The following ANO3 variants were observed in gnomAD, a reference collection of about 807,000 sequenced individuals.
ANO3 encodes the protein anoctamin-3.
Under a neutral mutation model 144.8 loss-of-function variants are expected in ANO3, and 99 were observed. The observed-to-expected ratio is 0.68, with a 90% CI of 0.58 to 0.81. ANO3 has a LOEUF of 0.81. Ranked by LOEUF, ANO3 falls within the 30% of genes least tolerant of loss-of-function variation. The probability of loss-of-function intolerance (pLI) is 0.00; values close to 1 mark genes in which losing one functional copy is unlikely to be tolerated. For synonymous variants in ANO3, 414 were observed against 392.6 expected (o/e 1.05, Z -0.64); for missense variants, 905 against 1,202.2 (o/e 0.75, Z 3.66).
chr11:26,293,959 G>C (rs751930071), intron 1 of ANO3, among the ~76,000 whole-genome samples: 6 of 151,978 alleles, frequency 3.9e-5, no homozygotes, highest in Non-Finnish European at 5.9e-5. Context: ...TAGTTTTGTC[G>C]CTTTTTTGCA....
intron 18 of ANO3, among the ~76,000 whole-genome samples, chr11:26,624,882 C>T (rs1852529808): frequency 6.6e-6 from 1 of 152,078 alleles, no homozygotes; most frequent in Non-Finnish European, 1.5e-5. Flanking sequence ...TACCACATCA[C>T]CCATTCCTAT....
chr11:26,200,196 G>A (rs1045100665), intron 1 of ANO3, among the ~76,000 whole-genome samples: 17 of 152,136 alleles, frequency 1.1e-4, no homozygotes, highest in Middle Eastern at 3.2e-3. Context: ...GGCTCTGCCC[G>A]AAGCTAACCT....
chr11:26,481,044 A>G (rs1860195388), intron 4 of ANO3, among the ~76,000 whole-genome samples: 1 of 152,146 alleles, frequency 6.6e-6, no homozygotes, highest in Non-Finnish European at 1.5e-5. Flanking sequence ...ATTTGTGAGG[A>G]ATCAGTGAAT....
chr11:26,561,055 G>A, intron 14 of ANO3: 1 of 1,597,552 alleles, frequency 6.3e-7, no homozygotes, highest in Non-Finnish European at 8.5e-7. Context: ...ACGCCTTTTT[G>A]CTGTTAGTTC....
rs1026254258 is a variant in ANO3 at position 26,297,393 on chromosome 11, T to C, written c.155-12252T>C. Among the ~76,000 whole-genome samples the C allele has an allele frequency of 2.6e-5, 4 of 152,302 alleles. No individual in the cohort carries two copies. In the East Asian group the frequency reaches 7.7e-4, roughly 29 times the overall value. On this transcript the variant is annotated intron_variant, in intron 1 of 27. Coordinates refer to the ANO3 transcript ENST00000672621. ...AAACACTTGTGGGCCTGTCATACAA[T>C]GATCAACAACATTCTTGCATAAGCC...
Position 26,535,654 on chromosome 11 carries a change from T to C in ANO3, c.976+1092T>C, listed in dbSNP as rs551455987. Among the ~76,000 whole-genome samples the C allele has an allele frequency of 4.7e-3, 624 of 132,234 alleles. 5 individuals carry two copies. The highest frequency in any genetic ancestry group is 7.2e-3 in the Non-Finnish European group (459 of 64,136). The allele number at this position is 132,234 out of a possible 152,430, so 86.8% of individuals were successfully genotyped here. On this transcript the variant is annotated intron_variant, in intron 9 of 26. Transcript: ENST00000256737. ...CTGGAGTGCAGTGGCACGATCTCAA[T>C]TCACTGCAAGCTCTGCCTCCCGGGT...
intron 6 of ANO3, among the ~76,000 whole-genome samples, chr11:26,520,264 G>A (rs1473055152): frequency 6.6e-6 from 1 of 152,038 alleles, no homozygotes; most frequent in Non-Finnish European, 1.5e-5. Context: ...ATTTTGAAGA[G>A]GATGTTTTCT....
At chr11:26,276,037 C>A (rs140458521) in intron 1 of ANO3, among the ~76,000 whole-genome samples, 27 of 152,014 alleles carry the variant, frequency 1.8e-4, no homozygotes, top group African/African-American at 6.5e-4. Context: ...CTAGAGTTAG[C>A]GGCCAAATAT....
intron 1 of ANO3, among the ~76,000 whole-genome samples, chr11:26,441,106 G>GTAT (rs1858493173): frequency 4.6e-5 from 4 of 86,552 alleles, no homozygotes; most frequent in Non-Finnish European, 8.7e-5. Flanking sequence ...TTGCTGCCCA[G>GTAT]TTTTTTTTTT....
intron 1 of ANO3, among the ~76,000 whole-genome samples, chr11:26,289,152 C>T (rs965971177): frequency 1.3e-5 from 2 of 151,826 alleles, no homozygotes; most frequent in African/African-American, 4.8e-5. Flanking sequence ...AAATTGGCAT[C>T]AATAGAGATT....
chr11:26,212,725 T>G (rs1483106778), intron 1 of ANO3, among the ~76,000 whole-genome samples: 5 of 151,968 alleles, frequency 3.3e-5, no homozygotes, highest in African/African-American at 1.2e-4. Flanking sequence ...GCTGGTACCA[T>G]TCCTTCTGAT....
chr11:26,578,980 C>T (rs1045843251), intron 14 of ANO3, among the ~76,000 whole-genome samples: 1 of 152,132 alleles, frequency 6.6e-6, no homozygotes, highest in African/African-American at 2.4e-5. Flanking sequence ...TCTTTTAAAA[C>T]CCTAATTTTG....
intron 5 of ANO3, among the ~76,000 whole-genome samples, chr11:26,512,677 T>A (rs1024813913): frequency 2.0e-5 from 3 of 152,200 alleles, no homozygotes; most frequent in Non-Finnish European, 2.9e-5. Flanking sequence ...TTTTACTCAT[T>A]GATAGTAGTT....
intron 14 of ANO3, chr11:26,565,879 GT>G (rs763099571): frequency 2.6e-5 from 40 of 1,566,880 alleles, no homozygotes; most frequent in South Asian, 1.3e-4. Flanking sequence ...TTTGGTATTG[GT>G]TTTTTTTTAA....
intron 1 of ANO3, among the ~76,000 whole-genome samples, chr11:26,217,331 C>T (rs190616414): frequency 6.6e-6 from 1 of 152,052 alleles, no homozygotes; most frequent in Admixed American, 6.6e-5. Context: ...ATCATCCCCC[C>T]CATCTATCAA....
chr11:26,545,623 T>C (rs930347244), intron 11 of ANO3, among the ~76,000 whole-genome samples: 4 of 151,836 alleles, frequency 2.6e-5, no homozygotes, highest in Non-Finnish European at 4.4e-5. Flanking sequence ...TCTAAAAGCA[T>C]AGATTTCCAC....
intron 1 of ANO3, among the ~76,000 whole-genome samples, chr11:26,191,698 A>T (rs1590184856): frequency 6.6e-6 from 1 of 152,194 alleles, no homozygotes; most frequent in East Asian, 1.9e-4. Flanking sequence ...ATCACTGATA[A>T]TATTCTTTCA....
intron 26 of ANO3, among the ~76,000 whole-genome samples, chr11:26,657,697 T>C (rs1853734835): frequency 6.6e-6 from 1 of 152,156 alleles, no homozygotes; most frequent in Non-Finnish European, 1.5e-5. Flanking sequence ...TACATAGTAT[T>C]AATTTGAGTG....
chr11:26,300,218 A>T (rs1475323831), intron 1 of ANO3, among the ~76,000 whole-genome samples: 1 of 151,740 alleles, frequency 6.6e-6, no homozygotes, highest in African/African-American at 2.4e-5. Context: ...ACACACACAG[A>T]CACACACACA....
Sources: allele counts gnomAD v4.1 joint callset (sites outside exome capture counted in the v4.1 genomes callset), GRCh38; gene constraint gnomAD v4.1.1; transcripts MANE v1.5; gene names NCBI Gene and HGNC (gene_info 2026-07-23, HGNC 2026-07-21).